Variants in SLC28A3 observed in about 807,000 individuals in gnomAD.
The protein encoded by SLC28A3 is solute carrier family 28 member 3, also known as concentrative Na(+)-nucleoside cotransporter 3.
SLC28A3 carries 68 observed loss-of-function variants against 84.2 expected under a neutral mutation model. The observed-to-expected ratio is 0.81, with a 90% confidence interval of 0.66 to 0.99. The LOEUF (loss-of-function observed/expected upper bound fraction) is 0.99, where lower values mean the gene tolerates loss of function less well. Among genes scored for constraint, SLC28A3 ranks in the 50% least tolerant of loss-of-function variants. The pLI, the probability that SLC28A3 is intolerant of heterozygous loss-of-function variation, is 0.00. For missense variants in SLC28A3, 712 were observed against 841.5 expected (o/e 0.85, Z 1.90); for synonymous variants, 267 against 303.6 (o/e 0.88, Z 1.25).
intron 2 of SLC28A3, among the ~76,000 whole-genome samples, chr9:84,312,834 C>T (rs1009265579): frequency 3.9e-5 from 6 of 152,106 alleles, no homozygotes; most frequent in East Asian, 1.9e-4. Flanking sequence ...CCACCGTGCC[C>T]GGCCCTGAAT....
chr9:84,368,031 T>C, the SLC28A3 span, among the ~76,000 whole-genome samples: 21,115 of 152,072 alleles, frequency 0.14, 1,795 homozygotes, highest in Non-Finnish European at 0.18. Flanking sequence ...GGGTGTCGGG[T>C]TGGGGGATGG....
intron 14 of SLC28A3, among the ~76,000 whole-genome samples, chr9:84,284,830 G>T (rs545511847): frequency 6.6e-6 from 1 of 152,322 alleles, no homozygotes; most frequent in South Asian, 2.1e-4. Context: ...CACGTGGAGA[G>T]CAGTGATGAT....
chr9:84,288,351 C>T (rs564172333), intron 11 of SLC28A3, among the ~76,000 whole-genome samples, 173 bp from the exon 12 acceptor site: 7 of 152,220 alleles, frequency 4.6e-5, no homozygotes, highest in Admixed American at 3.9e-4. Context: ...AGCCAAGTCG[C>T]GGGCATCACC....
chr9:84,282,185 A>ATAATT (rs1375525556), intron 14 of SLC28A3, among the ~76,000 whole-genome samples: 1 of 152,118 alleles, frequency 6.6e-6, no homozygotes, highest in African/African-American at 2.4e-5. Flanking sequence ...ATATGCAAAC[A>ATAATT]TAATTTACAG....
the SLC28A3 span, among the ~76,000 whole-genome samples, chr9:84,364,684 G>A: frequency 6.6e-6 from 1 of 151,638 alleles, no homozygotes; most frequent in African/African-American, 2.4e-5. Flanking sequence ...ACCCTCCCCA[G>A]CCTCTGGTCA....
At chr9:84,288,921 G>T (rs1028980788) in intron 11 of SLC28A3, among the ~76,000 whole-genome samples, 4 of 152,154 alleles carry the variant, frequency 2.6e-5, no homozygotes, top group African/African-American at 9.7e-5. Context: ...ATGTGCAGAT[G>T]TGTATATTCT....
chr9:84,290,971 G>A lies in SLC28A3; in HGVS notation c.1024-692C>T, dbSNP rs886197994. On this transcript the variant is annotated intron_variant, in intron 10 of 17. Transcript: ENST00000376238. ...AAGCAGACAGAGTGTAGTTGTAAAG[G>A]CTTGAATCCCATTAAGGAGGACAGG... Among the ~76,000 whole-genome samples, 4 of 152,182 alleles carry A rather than the reference G, an allele frequency of 2.6e-5. No individual in the cohort carries two copies. In the East Asian group the frequency reaches 5.8e-4, roughly 22 times the overall value.
intron 5 of SLC28A3, among the ~76,000 whole-genome samples, chr9:84,301,619 A>AC (rs1825640547): frequency 6.6e-6 from 1 of 152,186 alleles, no homozygotes; most frequent in Non-Finnish European, 1.5e-5. Flanking sequence ...AACTTGTGTA[A>AC]GAAAAAAAGT....
At chr9:84,323,703 A>G (rs978122297) in intron 1 of SLC28A3, among the ~76,000 whole-genome samples, 22 of 152,058 alleles carry the variant, frequency 1.4e-4, no homozygotes, top group African/African-American at 3.6e-4. Flanking sequence ...GATTACAGGC[A>G]TGAGAAAGAA....
At chr9:84,356,701 TG>T in the SLC28A3 span, among the ~76,000 whole-genome samples, 1 of 151,986 alleles carries the variant, frequency 6.6e-6, no homozygotes, top group Non-Finnish European at 1.5e-5. Context: ...CCTAGTGGCA[TG>T]TGCCTGTAAT....
chr9:84,364,552 G>A, the SLC28A3 span, among the ~76,000 whole-genome samples: 1 of 152,200 alleles, frequency 6.6e-6, no homozygotes, highest in East Asian at 1.9e-4. Context: ...ATTTTGAAAG[G>A]TACAGTTAAG....
At chr9:84,356,290 T>G in the SLC28A3 span, among the ~76,000 whole-genome samples, 1 of 152,128 alleles carries the variant, frequency 6.6e-6, no homozygotes, top group African/African-American at 2.4e-5. Context: ...CCTCCCATCA[T>G]TAACCCATCC....
upstream of SLC28A3, chr9:84,340,816 C>T: frequency 1.8e-6 from 1 of 541,442 alleles, no homozygotes; most frequent in Admixed American, 3.1e-5. Context: ...TGGGGTGGGG[C>T]AGAGAGGCGG....
chr9:84,347,701 C>G, the SLC28A3 span, among the ~76,000 whole-genome samples: 1 of 152,130 alleles, frequency 6.6e-6, no homozygotes, highest in Non-Finnish European at 1.5e-5. Context: ...TGAGAAGGCA[C>G]AGGTGTCGGG....
intron 1 of SLC28A3, among the ~76,000 whole-genome samples, chr9:84,333,718 T>C (rs1826869177): frequency 6.6e-6 from 1 of 152,102 alleles, no homozygotes; most frequent in South Asian, 2.1e-4. Flanking sequence ...GTAAAATCAC[T>C]TAGGAAACCA....
chr9:84,280,159 G>T (rs2118035551), intron 15 of SLC28A3, 86 bp from the exon 16 acceptor site: 3 of 1,228,748 alleles, frequency 2.4e-6, no homozygotes, highest in South Asian at 1.5e-5. Flanking sequence ...CTGAGGCTGG[G>T]CTCAGGTCAG....
At chr9:84,363,950 T>TA in the SLC28A3 span, among the ~76,000 whole-genome samples, 1 of 152,044 alleles carries the variant, frequency 6.6e-6, no homozygotes, top group Non-Finnish European at 1.5e-5. Context: ...TTCATAGATT[T>TA]AAAAAAATTT....
Position 84,278,039 on chromosome 9 carries a change from G to C in SLC28A3, c.*179C>G, listed in dbSNP as rs866825752. On this transcript the variant is annotated 3_prime_UTR_variant, in exon 18 of 18. Coordinates refer to ENST00000376238, the MANE Select transcript of SLC28A3 (RefSeq NM_001199633.2). ...GGGGAAGGGGCTGGTGGGGAGGGAGGGGAGGAGGAAAATGTTGTAGCTTTG... is the reference window on the plus strand; with the variant it reads ...GGGGAAGGGGCTGGTGGGGAGGGAGCGGAGGAGGAAAATGTTGTAGCTTTG... The C allele has an allele frequency of 2.6e-5, 20 of 755,438 alleles. No homozygotes were observed. The African/African-American group carries it at 3.3e-4, about 13-fold the overall frequency. The allele number at this position is 755,438 out of a possible 1,614,324, so 46.8% of individuals were successfully genotyped here. A position where few individuals can be genotyped will look rare whatever the true frequency, so the allele number is the denominator to read the frequency against.
In SLC28A3 at chr9:84,305,338, C is replaced by T; in HGVS notation, c.250G>A (p.Glu84Lys). The T allele has an allele frequency of 6.2e-7, 1 of 1,612,804 alleles. No homozygotes were observed. The highest frequency in any genetic ancestry group is 8.5e-7 in the Non-Finnish European group (1 of 1,179,714). Residue 84 changes from glutamate to lysine, a missense_variant, in exon 4 of 18, where the codon GAA becomes AAA. Glu to Lys is a moderately conservative substitution (Grantham distance 56). Transcript: ENST00000376238. The part of the protein sequence containing the change: ...DEEMQQKGCL[E>K]RRYDTVCGFC... ...CCACATACTGTGTCATACCTCCTTTCCAAACACCTGCAACATAAAAGCAAA... is the reference window on the plus strand; with the variant it reads ...CCACATACTGTGTCATACCTCCTTTTCAAACACCTGCAACATAAAAGCAAA...
Sources: allele counts gnomAD v4.1 joint callset (sites outside exome capture counted in the v4.1 genomes callset), GRCh38; gene constraint gnomAD v4.1.1; transcripts MANE v1.5; gene names NCBI Gene and HGNC (gene_info 2026-07-23, HGNC 2026-07-21).